The following CMIP variants were observed in gnomAD, a reference collection of about 807,000 sequenced individuals.
CMIP encodes c-Maf inducing protein.
Under a neutral mutation model 97.3 loss-of-function variants are expected in CMIP, and 13 were observed. The observed-to-expected ratio is 0.13, with a 90% confidence interval of 0.09 to 0.21. The LOEUF (loss-of-function observed/expected upper bound fraction) is 0.21. Ranked by LOEUF, CMIP falls within the 10% of genes least tolerant of loss-of-function variation. CMIP has a pLI of 1.00. For synonymous variants in CMIP, 538 were observed against 436.3 expected, an observed-to-expected ratio of 1.23 and a Z score of -2.91; for missense variants, 847 against 1,024.9, an observed-to-expected ratio of 0.83 and a Z score of 2.37.
intron 1 of CMIP, among the ~76,000 whole-genome samples, chr16:81,488,002 C>A (rs141013720): frequency 2.2e-3 from 332 of 152,236 alleles, no homozygotes; most frequent in African/African-American, 7.5e-3. Context: ...CTGGCAGCCT[C>A]GCATCTTACT....
At chr16:81,705,994 A>C (rs767040135) in intron 19 of CMIP, among the ~76,000 whole-genome samples, 10 of 152,108 alleles carry the variant, frequency 6.6e-5, no homozygotes, top group Non-Finnish European at 1.5e-4. Flanking sequence ...TCCCAAGCCC[A>C]CTCCAGACCT....
At chr16:81,647,782 G>A (rs1159583544) in intron 3 of CMIP, among the ~76,000 whole-genome samples, 2 of 152,070 alleles carry the variant, frequency 1.3e-5, no homozygotes, top group Non-Finnish European at 2.9e-5. Context: ...ACCTAGGGAG[G>A]AGGGACAGGG....
chr16:81,592,838 G>A (rs1488019863), intron 1 of CMIP, among the ~76,000 whole-genome samples: 1 of 152,210 alleles, frequency 6.6e-6, no homozygotes, highest in Non-Finnish European at 1.5e-5. Flanking sequence ...CCTGGCATGT[G>A]GCATGTGCCC....
At chr16:81,695,389 A>G (rs1490288797) in intron 13 of CMIP, 1 of 152,230 alleles carries the variant, frequency 6.6e-6, no homozygotes, top group African/African-American at 2.4e-5. Flanking sequence ...GGAACCCTTG[A>G]TATTCTTCCA....
chr16:81,567,635 G>A (rs113515950), intron 1 of CMIP, among the ~76,000 whole-genome samples: 5 of 152,316 alleles, frequency 3.3e-5, no homozygotes, highest in African/African-American at 9.6e-5. Context: ...TAGAAGCTAG[G>A]CTGAAAGTCC....
At chr16:81,467,322 T>A (rs553476090) in intron 1 of CMIP, among the ~76,000 whole-genome samples, 1 of 152,316 alleles carries the variant, frequency 6.6e-6, no homozygotes, top group East Asian at 1.9e-4. Context: ...GGACAAAGCC[T>A]GCCTAGTGAG....
intron 3 of CMIP, among the ~76,000 whole-genome samples, chr16:81,626,576 TGA>T (rs2092068951): frequency 1.4e-5 from 2 of 140,816 alleles, no homozygotes; most frequent in Admixed American, 7.0e-5. Context: ...GGGTGGCTTA[TGA>T]GTGTGTGAGT....
At chr16:81,657,722 C>G in intron 4 of CMIP, 53 bp from the exon 5 acceptor site, 1 of 1,442,736 alleles carries the variant, frequency 6.9e-7, no homozygotes, top group Non-Finnish European at 9.5e-7. Flanking sequence ...TGCTCGTTTT[C>G]TTAATTTTCT....
At chr16:81,636,203 A>G (rs538071108) in intron 3 of CMIP, among the ~76,000 whole-genome samples, 1 of 152,104 alleles carries the variant, frequency 6.6e-6, no homozygotes, top group South Asian at 2.1e-4. Context: ...AAGAACATGC[A>G]CTTGAAAAAT....
intron 1 of CMIP, among the ~76,000 whole-genome samples, chr16:81,593,518 C>T (rs954324590): frequency 2.6e-5 from 4 of 152,200 alleles, no homozygotes; most frequent in African/African-American, 4.8e-5. Flanking sequence ...TGCACCAGGC[C>T]GACTCCAAGC....
chr16:81,559,001 C>T (rs2090823863), intron 1 of CMIP, among the ~76,000 whole-genome samples: 1 of 152,190 alleles, frequency 6.6e-6, no homozygotes, highest in South Asian at 2.1e-4. Context: ...TTGTGGGATC[C>T]GCATTACCCC....
intron 1 of CMIP, among the ~76,000 whole-genome samples, chr16:81,516,181 TCTGA>T (rs1356429194): frequency 1.3e-5 from 2 of 152,192 alleles, no homozygotes; most frequent in African/African-American, 4.8e-5. Context: ...CTGGTTGGAC[TCTGA>T]CTGATCTAGC....
In CMIP at chr16:81,627,461, C is replaced by T. The variant is rs533795571; in HGVS notation, c.477+6535C>T. ...CATCATCAGTGTCTCCAAGTGGGTC[C>T]GACATGGTGGGAGCAGCTGGCTCGG... On this transcript the variant is annotated intron_variant, in intron 3 of 20. Coordinates refer to ENST00000537098, the MANE Select transcript of CMIP (RefSeq NM_198390.3). The surrounding 1 kb of genome is among the most constrained non-coding windows in gnomAD (Gnocchi z 4.6). 2.0e-5 allele frequency among the ~76,000 whole-genome samples: 3 copies of T among 152,076 alleles called. No homozygotes were observed. The highest frequency in any genetic ancestry group is 3.9e-4 in the East Asian group (2 of 5,166).
chr16:81,648,299 C>G (rs1322756720), intron 3 of CMIP, among the ~76,000 whole-genome samples: 2 of 151,928 alleles, frequency 1.3e-5, no homozygotes, highest in African/African-American at 2.4e-5. Context: ...GTCTCTTGAC[C>G]TCTCGGGGCC....
chr16:81,688,542 TA>T (rs998803993), intron 10 of CMIP, among the ~76,000 whole-genome samples: 5 of 152,218 alleles, frequency 3.3e-5, no homozygotes, highest in African/African-American at 1.2e-4. Context: ...TGTGCTCTTG[TA>T]AAGAGTAAAT....
At chr16:81,683,588 C>G (rs1232620265) in intron 10 of CMIP, among the ~76,000 whole-genome samples, 1 of 151,782 alleles carries the variant, frequency 6.6e-6, no homozygotes, top group Non-Finnish European at 1.5e-5. Context: ...CGGGTTTTTG[C>G]CATGTTGGCC....
rs1314583512 is a variant in CMIP at position 81,701,791 on chromosome 16, G to A, written c.1887G>A (p.Leu629=). Residue 629 remains leucine (L), a synonymous_variant, in exon 16 of 21, where the codon CTG becomes CTA. Coordinates refer to ENST00000537098, the MANE Select transcript of CMIP (RefSeq NM_198390.3). ...AGCTGTGTGACCGGCAGCGGGAGCT[G>A]AAGGAGCTGGTGAGTCCCCGGCTGC... is the stretch of plus-strand genomic sequence containing the variant. ...YEQLCDRQRE[L]KELQRKGGPT... is the part of the protein sequence containing the mutation. The A allele has an allele frequency of 6.2e-7, 1 of 1,613,490 alleles. No homozygotes were observed.
chr16:81,538,853 G>T (rs887798428), intron 1 of CMIP, among the ~76,000 whole-genome samples: 3 of 152,006 alleles, frequency 2.0e-5, no homozygotes, highest in Non-Finnish European at 4.4e-5. Context: ...TGATTCTAAG[G>T]TCATTAATTT....
In CMIP at chr16:81,445,451, C is replaced by T. The variant is rs1213643128; in HGVS notation, c.210C>T (p.Thr70=). 6.3e-7 allele frequency: 1 copy of T among 1,578,910 alleles called. No homozygotes were observed. Among genetic ancestry groups the T allele is most frequent in the Non-Finnish European group, 8.6e-7 (1 of 1,162,560 alleles). ...TCTGTGTCATCCGGCACCCGCGGAC[C>T]TTTCTCAGCAAGATCCTCACCTCGA... The part of the protein sequence containing the change: ...IQVCVIRHPR[T]FLSKILTSKF... Residue 70 remains threonine (T), a synonymous_variant, in exon 1 of 21, where the codon ACC becomes ACT. Transcript: ENST00000537098.
Sources: allele counts gnomAD v4.1 joint callset (sites outside exome capture counted in the v4.1 genomes callset), GRCh38; gene constraint gnomAD v4.1.1; non-coding constraint Gnocchi (gnomAD v3.1); transcripts MANE v1.5; gene names NCBI Gene and HGNC (gene_info 2026-07-23, HGNC 2026-07-21).